The following PSD2 variants were observed in gnomAD, a reference collection of about 807,000 sequenced individuals.
PSD2 encodes PH and SEC7 domain-containing protein 2.
PSD2 carries 38 observed loss-of-function variants against 69.8 expected under a neutral mutation model. That is an observed-to-expected ratio of 0.54 (90% confidence interval 0.42 to 0.71). The LOEUF (loss-of-function observed/expected upper bound fraction) is 0.71, where lower values mean the gene tolerates loss of function less well. Ranked by LOEUF, PSD2 falls within the 30% of genes least tolerant of loss-of-function variation. The pLI is 0.00. For missense variants in PSD2, 943 were observed against 1,014.5 expected (o/e 0.93, Z 0.96); for synonymous variants, 412 against 423.0 (o/e 0.97, Z 0.32).
At position 139,824,802 on chromosome 5, in the gene PSD2, A is replaced by G. The variant is rs545639639; in HGVS notation, c.1269+2018A>G. On this transcript the variant is annotated intron_variant, in intron 7 of 14. Coordinates refer to ENST00000274710, the MANE Select transcript of PSD2 (RefSeq NM_032289.4). ...GCAGTTACTGGGAGCTCTTCAGAGC[A>G]CCTGATGCTTTGCACTTTTCCCCTT... Among the ~76,000 whole-genome samples the G allele has an allele frequency of 1.5e-4, 23 of 152,272 alleles. No individual in the cohort carries two copies. The South Asian group carries it at 4.8e-3, about 32-fold the overall frequency.
At chr5:139,835,799 G>GC in intron 9 of PSD2, 33 bp downstream of exon 9, 1 of 1,606,236 alleles carries the variant, frequency 6.2e-7, no homozygotes, top group South Asian at 1.1e-5. Context: ...GGTATGGGGA[G>GC]CATACATCCC....
At chr5:139,756,082 C>T in the PSD2 span, among the ~76,000 whole-genome samples, 2 of 152,184 alleles carry the variant, frequency 1.3e-5, no homozygotes, top group Non-Finnish European at 2.9e-5. Flanking sequence ...AGTCACGCTG[C>T]TCTGGGCTGA....
Position 139,814,045 on chromosome 5 carries a change from G to A in PSD2, c.822-125G>A. The A allele has an allele frequency of 1.1e-6, 1 of 903,138 alleles. No homozygotes were observed. Among genetic ancestry groups the A allele is most frequent in the Non-Finnish European group, 1.7e-6 (1 of 578,188 alleles). The allele number at this position is 903,138 out of a possible 1,614,324, so 55.9% of individuals were successfully genotyped here. A position where few individuals can be genotyped will look rare whatever the true frequency, so the allele number is the denominator to read the frequency against. On this transcript the variant is annotated intron_variant, in intron 3 of 14. Coordinates refer to ENST00000274710, the MANE Select transcript of PSD2 (RefSeq NM_032289.4). The surrounding 1 kb of genome is among the most constrained non-coding windows in gnomAD (Gnocchi z 4.4). Reference sequence around the variant, plus strand: ...TGATTTCATTCCCTCCGGCTGCAGTGGAGCTTCTTTCCCTGTTCTGGCCCC... The same window carrying A: ...TGATTTCATTCCCTCCGGCTGCAGTAGAGCTTCTTTCCCTGTTCTGGCCCC...
At chr5:139,792,901 TC>T (rs1186305787), upstream of PSD2, among the ~76,000 whole-genome samples, 4 of 146,810 alleles carry the variant, frequency 2.7e-5, no homozygotes, top group Admixed American at 2.7e-4. Flanking sequence ...CTTCCTTCCT[TC>T]CTTCCTTCTT....
intron 1 of PSD2, among the ~76,000 whole-genome samples, chr5:139,796,970 T>C (rs1326766296): frequency 6.6e-6 from 1 of 152,068 alleles, no homozygotes; most frequent in Non-Finnish European, 1.5e-5. Context: ...CTTTCCTGGG[T>C]TCCCCAGTTC....
the PSD2 span, among the ~76,000 whole-genome samples, chr5:139,749,837 CAAACAAACAAACAA>C: frequency 6.3e-5 from 7 of 110,480 alleles, no homozygotes; most frequent in Admixed American, 2.4e-4. Context: ...CTCTACAAAA[CAAACAAACAAACAA>C]AAACAAACAA....
chr5:139,817,615 G>T, intron 5 of PSD2, 54 bp downstream of exon 5: 2 of 1,405,402 alleles, frequency 1.4e-6, no homozygotes, highest in Non-Finnish European at 2.0e-6. Context: ...TGCACTTCTG[G>T]ATTCTCATGT....
rs1368493365 is a variant in PSD2, at chr5:139,833,810, C to T, written c.1359+19C>T. 2 of 1,557,170 alleles carry T rather than the reference C, an allele frequency of 1.3e-6. No individual in the cohort carries two copies. The highest frequency in any genetic ancestry group is 2.2e-5 in the East Asian group (1 of 44,602). ...GCTGAAGGTACTGTCTGCTGAGTGT[C>T]CCCATCCCACTAGCTGTGCCCTGAA... On this transcript the variant is annotated intron_variant, in intron 8 of 14. Transcript: ENST00000274710.
upstream of PSD2, among the ~76,000 whole-genome samples, chr5:139,793,662 TGTTA>T (rs1429846762): frequency 6.6e-6 from 1 of 152,156 alleles, no homozygotes; most frequent in African/African-American, 2.4e-5. Flanking sequence ...CCATGCTGAG[TGTTA>T]GGTGCTGAGG....
chr5:139,808,023 C>A (rs1397393605), intron 1 of PSD2, among the ~76,000 whole-genome samples: 1 of 152,204 alleles, frequency 6.6e-6, no homozygotes, highest in Non-Finnish European at 1.5e-5. Context: ...CTGTTGTTGC[C>A]CCTGCAGCTC....
At chr5:139,830,290 A>T (rs1760539960) in intron 7 of PSD2, among the ~76,000 whole-genome samples, 1 of 142,390 alleles carries the variant, frequency 7.0e-6, no homozygotes, top group African/African-American at 2.6e-5. Flanking sequence ...TAGATACTTG[A>T]TTTACAAATT....
chr5:139,829,678 T>C (rs1760521651), intron 7 of PSD2, among the ~76,000 whole-genome samples: 1 of 152,286 alleles, frequency 6.6e-6, no homozygotes, highest in African/African-American at 2.4e-5. Context: ...TCATTTTTTA[T>C]GGCTGAATAA....
chr5:139,768,091 A>T, the PSD2 span, among the ~76,000 whole-genome samples: 1 of 152,256 alleles, frequency 6.6e-6, no homozygotes, highest in Non-Finnish European at 1.5e-5. Flanking sequence ...GGGCTGGTTG[A>T]TGGAGGTAGC....
chr5:139,786,894 A>G, the PSD2 span, among the ~76,000 whole-genome samples: 1 of 152,230 alleles, frequency 6.6e-6, no homozygotes, highest in Admixed American at 6.5e-5. Flanking sequence ...ATCACATTTG[A>G]AAGCCTCTTC....
At chr5:139,816,861 C>A (rs565528514) in intron 4 of PSD2, among the ~76,000 whole-genome samples, 9 of 152,366 alleles carry the variant, frequency 5.9e-5, no homozygotes, top group African/African-American at 2.2e-4. Context: ...ATGACTCTCA[C>A]ACGGATGCCT....
chr5:139,835,679 G>C, intron 8 of PSD2, 44 bp from the exon 9 acceptor site: 1 of 1,596,590 alleles, frequency 6.3e-7, no homozygotes, highest in Non-Finnish European at 8.6e-7. Flanking sequence ...GGGTTTCTTT[G>C]ACCCTTCACC....
chr5:139,813,858 C>T (rs1392893517), intron 3 of PSD2, 100 bp downstream of exon 3: 3 of 1,047,368 alleles, frequency 2.9e-6, no homozygotes, highest in East Asian at 5.1e-5. Flanking sequence ...CCAGAGTCAG[C>T]ATGCCCTCTT....
upstream of PSD2, among the ~76,000 whole-genome samples, chr5:139,794,955 C>A (rs1759482673): frequency 6.6e-6 from 1 of 152,116 alleles, no homozygotes; most frequent in African/African-American, 2.4e-5. Flanking sequence ...GGCTTCAGGG[C>A]CTTGACTTGC....
intron 1 of PSD2, among the ~76,000 whole-genome samples, chr5:139,807,330 C>T (rs967376822): frequency 3.3e-5 from 5 of 152,118 alleles, no homozygotes; most frequent in Non-Finnish European, 5.9e-5. Context: ...AAAGCCCCCA[C>T]TTCTTTTTCC....
Sources: gnomAD v4.1 joint callset for allele counts (sites outside exome capture counted in the v4.1 genomes callset) on GRCh38, gnomAD v4.1.1 for gene constraint, Gnocchi (gnomAD v3.1) non-coding constraint, MANE v1.5 for transcripts, NCBI Gene and HGNC (gene_info 2026-07-23, HGNC 2026-07-21) for gene names.